The following MPDZ variants were observed in gnomAD, a reference collection of about 807,000 sequenced individuals.
MPDZ encodes multiple PDZ domain crumbs cell polarity complex component.
In MPDZ, 234 loss-of-function variants were observed where a neutral mutation model predicts 239.1. That is an observed-to-expected ratio of 0.98 (90% CI 0.88 to 1.09). MPDZ has a LOEUF of 1.09. Ranked by LOEUF, MPDZ falls within the 50% of genes least tolerant of loss-of-function variation. The pLI, the probability that MPDZ is intolerant of heterozygous loss-of-function variation, is 0.00. For missense variants in MPDZ, 3,175 were observed against 2,510.0 expected (o/e 1.26, Z -5.66); for synonymous variants, 1,048 against 881.3 (o/e 1.19, Z -3.35).
chr9:13,172,835 T>C (rs980122372), intron 21 of MPDZ, among the ~76,000 whole-genome samples: 2 of 152,318 alleles, frequency 1.3e-5, no homozygotes, highest in African/African-American at 4.8e-5. Flanking sequence ...AATAACTTAA[T>C]TAACCTAGTA....
intron 11 of MPDZ, among the ~76,000 whole-genome samples, 195 bp from the exon 12 acceptor site, chr9:13,205,302 T>A (rs778133426): frequency 2.4e-4 from 37 of 152,192 alleles, no homozygotes; most frequent in Non-Finnish European, 4.7e-4. Context: ...TTTGCCCCTC[T>A]GTCTCTTAAT....
At chr9:13,119,806 A>AT in intron 38 of MPDZ, 157 bp from the exon 39 acceptor site, 1 of 736,082 alleles carries the variant, frequency 1.4e-6, no homozygotes, top group African/African-American at 1.8e-5. Flanking sequence ...TTAGAATTAT[A>AT]TTTTTTGATA....
At chr9:13,253,432 T>C (rs1272566480) in intron 1 of MPDZ, among the ~76,000 whole-genome samples, 2 of 152,226 alleles carry the variant, frequency 1.3e-5, no homozygotes, top group South Asian at 2.1e-4. Context: ...CTGTGCCTGA[T>C]ACTCCTGTAC....
At chr9:13,146,211 T>A (rs1226545377) in intron 26 of MPDZ, among the ~76,000 whole-genome samples, 6 of 152,020 alleles carry the variant, frequency 3.9e-5, no homozygotes, top group Non-Finnish European at 8.8e-5. Context: ...AACTACTAGA[T>A]TCACTCTTTA....
chr9:13,173,612 T>A (rs888979984), intron 21 of MPDZ, among the ~76,000 whole-genome samples: 1 of 151,018 alleles, frequency 6.6e-6, no homozygotes. Flanking sequence ...CTGAGAGGGA[T>A]GAGAATTGCT....
At chr9:13,158,582 G>T (rs1156439817) in intron 23 of MPDZ, among the ~76,000 whole-genome samples, 1 of 152,088 alleles carries the variant, frequency 6.6e-6, no homozygotes, top group Non-Finnish European at 1.5e-5. Context: ...TGCTTCCTAA[G>T]GATGGACCAA....
rs376489902 is a variant in MPDZ at position 13,138,003 on chromosome 9, G to C, written c.4154C>G (p.Ala1385Gly). The C allele has an allele frequency of 6.2e-7, 1 of 1,613,806 alleles. No homozygotes were observed. The highest frequency in any genetic ancestry group is 1.6e-4 in the Middle Eastern group (1 of 6,062). Residue 1385 changes from alanine to glycine, a missense_variant, in exon 29 of 47, where the codon GCT becomes GGT. Coordinates refer to ENST00000319217, the MANE Select transcript of MPDZ (RefSeq NM_001378778.1). ...TTGCAATCGACCATCTTTTCCTGCA[G>C]CTCCATTTGGATCAATCCCCACTAT... The part of the protein sequence containing the change: ...VFIVGIDPNG[A>G]AGKDGRLQIA...
In MPDZ at chr9:13,219,671, C is replaced by T; in HGVS notation, c.974G>A (p.Cys325Tyr). 6.2e-7 allele frequency: 1 copy of T among 1,612,770 alleles called. No individual in the cohort carries two copies. Among genetic ancestry groups the T allele is most frequent in the Non-Finnish European group, 8.5e-7 (1 of 1,179,260 alleles). The change falls in exon 8 of 47, where the codon TGT becomes TAT. Residue 325 changes from cysteine to tyrosine, a missense_variant. Cys to Tyr is a radical substitution (Grantham distance 194). Coordinates refer to ENST00000319217, the MANE Select transcript of MPDZ (RefSeq NM_001378778.1). ...AATCATCAACTTAACTCTATTTCCA[C>T]ATTGCCTAAGGACTTGTGCTACTTG... ...SEQVAQVLRQCGNRVKLMIAR... is the reference protein window; with the variant it reads ...SEQVAQVLRQYGNRVKLMIAR...
chr9:13,204,654 T>A lies in MPDZ; in HGVS notation c.1546+382A>T, dbSNP rs139896630. On this transcript the variant is annotated intron_variant, in intron 12 of 46. Coordinates refer to ENST00000319217, the MANE Select transcript of MPDZ (RefSeq NM_001378778.1). ...TTATGTGTTAATGATTCTCCTGTGT[T>A]TATTTTTAAATACTTTATAATTTTA... 2.3e-3 allele frequency among the ~76,000 whole-genome samples: 349 copies of A among 152,268 alleles called. 2 individuals are homozygous for A. The highest frequency in any genetic ancestry group is 4.4e-3 in the Non-Finnish European group (296 of 68,016).
chr9:13,228,629 C>G (rs1010645868), intron 3 of MPDZ, among the ~76,000 whole-genome samples: 1 of 152,006 alleles, frequency 6.6e-6, no homozygotes, highest in Non-Finnish European at 1.5e-5. Flanking sequence ...TTTACTATGC[C>G]AACATACCAT....
Position 13,143,538 on chromosome 9 carries a change from G to A in MPDZ, c.3768C>T (p.His1256=). ...PRKSPLPSLL[H]NLYPKYNFSS... is the part of the protein sequence containing the mutation. ...TGAAGTTGTACTTAGGGTAAAGGTT[G>A]TGCAGCAAGGAAGGCAAAGGGGATT... Residue 1256 remains histidine, a synonymous_variant, in exon 27 of 47, where the codon CAC becomes CAT. Coordinates refer to ENST00000319217, the MANE Select transcript of MPDZ (RefSeq NM_001378778.1). 4 of 1,613,026 alleles carry A rather than the reference G, an allele frequency of 2.5e-6. No individual in the cohort carries two copies. Among genetic ancestry groups the A allele is most frequent in the Non-Finnish European group, 3.4e-6 (4 of 1,179,154 alleles).
chr9:13,252,403 T>A (rs1294357882), intron 1 of MPDZ, among the ~76,000 whole-genome samples: 1 of 150,228 alleles, frequency 6.7e-6, no homozygotes, highest in African/African-American at 2.5e-5. Context: ...CTGTCTCTAC[T>A]AAAAATACAA....
intron 1 of MPDZ, among the ~76,000 whole-genome samples, chr9:13,265,978 C>A (rs1413513866): frequency 6.6e-6 from 1 of 152,136 alleles, no homozygotes; most frequent in South Asian, 2.1e-4. Flanking sequence ...AGGACTTTCC[C>A]AACTCTTAAA....
At chr9:13,253,099 T>C (rs1008975945) in intron 1 of MPDZ, among the ~76,000 whole-genome samples, 2 of 152,076 alleles carry the variant, frequency 1.3e-5, no homozygotes, top group Non-Finnish European at 1.5e-5. Flanking sequence ...TTATGAGAAG[T>C]CTGCAGAGAA....
chr9:13,224,876 C>T (rs1960029899), intron 3 of MPDZ, among the ~76,000 whole-genome samples: 1 of 152,068 alleles, frequency 6.6e-6, no homozygotes, highest in Admixed American at 6.6e-5. Flanking sequence ...TAAATATATA[C>T]ATCCACACAT....
At chr9:13,148,958 A>G (rs1948791147) in intron 25 of MPDZ, among the ~76,000 whole-genome samples, 1 of 151,850 alleles carries the variant, frequency 6.6e-6, no homozygotes, top group Non-Finnish European at 1.5e-5. Flanking sequence ...AACATTTGAG[A>G]GCAAATTATG....
At chr9:13,223,491 A>G in intron 5 of MPDZ, 80 bp downstream of exon 5, 1 of 1,441,186 alleles carries the variant, frequency 6.9e-7, no homozygotes, top group Non-Finnish European at 9.2e-7. Flanking sequence ...ATTCATTATT[A>G]TTTTTCTAAA....
intron 3 of MPDZ, among the ~76,000 whole-genome samples, chr9:13,246,799 G>C (rs555417751): frequency 1.3e-5 from 2 of 152,200 alleles, no homozygotes; most frequent in East Asian, 3.9e-4. Context: ...TTGCTAGCAA[G>C]TCATCTATAA....
In MPDZ at chr9:13,168,524, G is replaced by A. The variant is rs758409546; in HGVS notation, c.3096C>T (p.Ile1032=). ...CACCTCCATGAATAATGCTTCGAACGATCATCCCCAAGCCATCTTTATTAG... is the reference window on the plus strand; with the variant it reads ...CACCTCCATGAATAATGCTTCGAACAATCATCCCCAAGCCATCTTTATTAG... The part of the protein sequence containing the change: ...VSANKDGLGM[I]VRSIIHGGAI... The change falls in exon 22 of 47, where the codon ATC becomes ATT. Residue 1032 remains isoleucine (I), a synonymous_variant. Coordinates refer to ENST00000319217, the MANE Select transcript of MPDZ (RefSeq NM_001378778.1). 19 of 1,612,522 alleles carry A rather than the reference G, an allele frequency of 1.2e-5. No homozygotes were observed. Among genetic ancestry groups the A allele is most frequent in the Non-Finnish European group, 1.4e-5 (17 of 1,179,302 alleles).
Sources: allele counts gnomAD v4.1 joint callset (sites outside exome capture counted in the v4.1 genomes callset), GRCh38; gene constraint gnomAD v4.1.1; transcripts MANE v1.5; gene names NCBI Gene and HGNC (gene_info 2026-07-23, HGNC 2026-07-21).